The following NFYC variants were observed in gnomAD, a reference collection of about 807,000 sequenced individuals.
NFYC encodes the protein CAAT box DNA-binding protein subunit C.
NFYC carries 25 observed loss-of-function variants against 53.1 expected under a neutral mutation model. That is an observed-to-expected ratio of 0.47 (90% CI 0.34 to 0.66). The LOEUF is 0.66. Ranked by LOEUF, NFYC falls within the 30% of genes least tolerant of loss-of-function variation. The pLI, the probability that NFYC is intolerant of heterozygous loss-of-function variation, is 0.01. For synonymous variants in NFYC, 145 were observed against 152.6 expected (o/e 0.95, Z 0.37); for missense variants, 260 against 422.7 (o/e 0.62, Z 3.38).
chr1:40,760,471 A>G (rs1170762199), intron 6 of NFYC, among the ~76,000 whole-genome samples: 1 of 152,180 alleles, frequency 6.6e-6, no homozygotes, highest in Admixed American at 6.5e-5. Flanking sequence ...CTGTAATCCC[A>G]GTACTTTGGG....
At position 40,708,991 on chromosome 1, in the gene NFYC, A is replaced by T. The variant is rs143571125; in HGVS notation, c.-9+17124A>T. On this transcript the variant is annotated intron_variant, in intron 1 of 9. Transcript: ENST00000447388. ...AATGGAACTCTGACAGCCAATAAGA[A>T]ATCCCGTGGGTGGGAACACTAACAA... is the stretch of plus-strand genomic sequence containing the variant. Among the ~76,000 whole-genome samples, 581 of 152,358 alleles carry T rather than the reference A, an allele frequency of 3.8e-3. 3 individuals carry two copies. Among genetic ancestry groups the T allele is most frequent in the African/African-American group, 0.013 (540 of 41,570 alleles).
chr1:40,721,182 A>G (rs1644313825), intron 1 of NFYC, among the ~76,000 whole-genome samples: 1 of 152,236 alleles, frequency 6.6e-6, no homozygotes, highest in African/African-American at 2.4e-5. Context: ...ATCACTGATT[A>G]GTGAATGTGT....
intron 2 of NFYC, among the ~76,000 whole-genome samples, chr1:40,747,181 A>G (rs1223318272): frequency 7.4e-6 from 1 of 134,414 alleles, no homozygotes; most frequent in African/African-American, 2.9e-5. Context: ...CATATTGCAG[A>G]CTGGTAAACT....
At chr1:40,738,814 T>C in intron 1 of NFYC, 22 bp from the exon 2 acceptor site, 1 of 1,546,502 alleles carries the variant, frequency 6.5e-7, no homozygotes, top group Non-Finnish European at 8.9e-7. Flanking sequence ...CTAATGTGTC[T>C]TATGTATGTG....
intron 1 of NFYC, among the ~76,000 whole-genome samples, chr1:40,696,977 T>C (rs1341340976): frequency 6.6e-6 from 1 of 152,210 alleles, no homozygotes; most frequent in African/African-American, 2.4e-5. Context: ...AATGGATTTT[T>C]AAAACTTTGG....
intron 4 of NFYC, among the ~76,000 whole-genome samples, chr1:40,752,875 C>T (rs190265682): frequency 6.9e-4 from 105 of 151,928 alleles, no homozygotes; most frequent in African/African-American, 2.5e-3. Flanking sequence ...TTGAAAATCG[C>T]GGGGAGAGGA....
intron 1 of NFYC, among the ~76,000 whole-genome samples, chr1:40,704,249 T>C (rs886729335): frequency 6.6e-6 from 1 of 152,138 alleles, no homozygotes; most frequent in Non-Finnish European, 1.5e-5. Flanking sequence ...TTTTTTGTAT[T>C]GTTAGTAGAG....
chr1:40,728,779 A>G (rs967945588), intron 1 of NFYC, among the ~76,000 whole-genome samples: 161 of 152,078 alleles, frequency 1.1e-3, no homozygotes, highest in African/African-American at 3.7e-3. Context: ...CTGGGATTAC[A>G]GGTGCCCGCC....
chr1:40,702,468 G>A (rs550083288), intron 1 of NFYC, among the ~76,000 whole-genome samples: 4 of 150,780 alleles, frequency 2.7e-5, no homozygotes, highest in East Asian at 2.0e-4. Flanking sequence ...TCAGCCTCCC[G>A]AGTAGCTGGG....
At chr1:40,757,039 A>G (rs1265648242) in intron 5 of NFYC, among the ~76,000 whole-genome samples, 1 of 152,244 alleles carries the variant, frequency 6.6e-6, no homozygotes, top group Non-Finnish European at 1.5e-5. Flanking sequence ...GAGGCAATCC[A>G]CAGGGTCTGT....
intron 7 of NFYC, 106 bp from the exon 8 acceptor site, chr1:40,766,477 AGGCTTCTTTGGAG>A: frequency 1.4e-6 from 1 of 704,070 alleles, no homozygotes; most frequent in Non-Finnish European, 2.4e-6. Context: ...TTTTCAGGGC[AGGCTTCTTTGGAG>A]GGCTTGAGGG....
At chr1:40,753,118 G>T in intron 4 of NFYC, 33 bp from the exon 5 acceptor site, 3 of 1,527,474 alleles carry the variant, frequency 2.0e-6, no homozygotes, top group Admixed American at 1.7e-5. Flanking sequence ...TTCTCCCCAG[G>T]CTAATTTTTC....
At chr1:40,693,478 A>G (rs1417761759) in intron 1 of NFYC, among the ~76,000 whole-genome samples, 2 of 152,224 alleles carry the variant, frequency 1.3e-5, no homozygotes, top group Non-Finnish European at 2.9e-5. Flanking sequence ...ACCAATTTCA[A>G]GAAACTCCTA....
chr1:40,705,839 T>A (rs769798168), intron 1 of NFYC, among the ~76,000 whole-genome samples: 1 of 152,120 alleles, frequency 6.6e-6, no homozygotes, highest in Non-Finnish European at 1.5e-5. Context: ...CTTGACCTCC[T>A]GGGTCAAGTG....
chr1:40,697,528 T>A (rs1643214702), intron 1 of NFYC, among the ~76,000 whole-genome samples: 1 of 152,236 alleles, frequency 6.6e-6, no homozygotes, highest in Non-Finnish European at 1.5e-5. Flanking sequence ...GTGGTAATGA[T>A]TGCGATGCGA....
At chr1:40,737,097 A>T (rs1645066780) in intron 1 of NFYC, among the ~76,000 whole-genome samples, 1 of 143,964 alleles carries the variant, frequency 6.9e-6, no homozygotes, top group South Asian at 2.3e-4. Flanking sequence ...ACTGCACTCC[A>T]GTCTGGGCAA....
At chr1:40,755,554 G>T (rs1192068168) in intron 5 of NFYC, among the ~76,000 whole-genome samples, 1 of 152,198 alleles carries the variant, frequency 6.6e-6, no homozygotes, top group Non-Finnish European at 1.5e-5. Context: ...TGAGTTGAAA[G>T]TTCCTGCCCA....
intron 3 of NFYC, 39 bp downstream of exon 3, chr1:40,747,644 T>C (rs1645681785): frequency 7.4e-7 from 1 of 1,347,290 alleles, no homozygotes; most frequent in African/African-American, 1.4e-5. Flanking sequence ...TTATTGAAGC[T>C]AAGTGATGGG....
At chr1:40,726,095 C>T (rs1174384442) in intron 1 of NFYC, among the ~76,000 whole-genome samples, 1 of 135,554 alleles carries the variant, frequency 7.4e-6, no homozygotes, top group Non-Finnish European at 1.6e-5. Flanking sequence ...TTGGCAATTT[C>T]TGTGTATGTG....
Sources: gnomAD v4.1 joint callset for allele counts (sites outside exome capture counted in the v4.1 genomes callset) on GRCh38, gnomAD v4.1.1 for gene constraint, MANE v1.5 for transcripts, NCBI Gene and HGNC (gene_info 2026-07-23, HGNC 2026-07-21) for gene names.